FAT4: variants seen among roughly 807,000 people sequenced by gnomAD.
FAT4 encodes FAT atypical cadherin 4.
A neutral mutation model predicts 303.9 loss-of-function variants in FAT4; 84 were observed. The observed-to-expected ratio is 0.28, with a 90% CI of 0.23 to 0.33. The LOEUF is 0.33. FAT4 is among the 10% of genes least tolerant of loss of function. The pLI is 1.00. For missense variants in FAT4, 6,005 were observed against 6,146.8 expected, an observed-to-expected ratio of 0.98 and a Z score of 0.77; for synonymous variants, 2,307 against 2,298.8, an observed-to-expected ratio of 1.00 and a Z score of -0.10.
chr4:125,447,744 A>G (rs1725874698), intron 9 of FAT4, among the ~76,000 whole-genome samples: 1 of 152,112 alleles, frequency 6.6e-6, no homozygotes, highest in South Asian at 2.1e-4. Context: ...TATTTTTACG[A>G]CAATCTGTTT....
intron 10 of FAT4, among the ~76,000 whole-genome samples, chr4:125,455,746 A>G (rs1380379509): frequency 3.9e-5 from 6 of 152,170 alleles, no homozygotes; most frequent in Admixed American, 3.3e-4. Flanking sequence ...TTCTATGGTG[A>G]TATTATTTAA....
intron 2 of FAT4, among the ~76,000 whole-genome samples, chr4:125,338,553 T>A (rs1731657921): frequency 6.6e-6 from 1 of 152,206 alleles, no homozygotes; most frequent in Non-Finnish European, 1.5e-5. Flanking sequence ...TTTAACAGGA[T>A]AGCTTCTATT....
chr4:125,458,871 G>T (rs536925556), intron 10 of FAT4, among the ~76,000 whole-genome samples: 1 of 151,858 alleles, frequency 6.6e-6, no homozygotes. Context: ...AAGCCATAAG[G>T]CTATTGAACA....
chr4:125,466,399 A>G (rs1560625687), intron 11 of FAT4, among the ~76,000 whole-genome samples: 1 of 152,002 alleles, frequency 6.6e-6, no homozygotes. Context: ...ATTGAAGTTT[A>G]TTCAGAAGAG....
At chr4:125,354,266 T>C (rs1732344613) in intron 2 of FAT4, among the ~76,000 whole-genome samples, 1 of 151,738 alleles carries the variant, frequency 6.6e-6, no homozygotes, top group Non-Finnish European at 1.5e-5. Context: ...AAAGTTTTAA[T>C]ATAAGGGATT....
intron 2 of FAT4, among the ~76,000 whole-genome samples, chr4:125,346,107 A>T (rs1731990376): frequency 6.6e-6 from 1 of 152,068 alleles, no homozygotes. Flanking sequence ...AGTCATTTGA[A>T]GTTCAGTGGA....
intron 2 of FAT4, among the ~76,000 whole-genome samples, chr4:125,351,125 G>C (rs995704089): frequency 6.6e-6 from 1 of 151,550 alleles, no homozygotes; most frequent in Admixed American, 6.6e-5. Flanking sequence ...CTTTTTTGTT[G>C]TTTTTTAAAT....
chr4:125,414,724 A>C (rs1734970646), intron 5 of FAT4, among the ~76,000 whole-genome samples, 160 bp from the exon 6 acceptor site: 1 of 152,160 alleles, frequency 6.6e-6, no homozygotes, highest in Admixed American at 6.6e-5. Context: ...ACCCTAGTAA[A>C]TAGCAAGCAG....
In FAT4 at chr4:125,471,251, T is replaced by C. The variant is rs896009245; in HGVS notation, c.12213+2432T>C. On this transcript the variant is annotated intron_variant, in intron 12 of 17. Coordinates refer to ENST00000394329, the MANE Select transcript of FAT4 (RefSeq NM_001291303.3). Reference sequence around the variant, plus strand: ...ATCACCATACCACATAAAATAATAATGAAATATTTGAAATATTGTGAGAAT... The same window carrying C: ...ATCACCATACCACATAAAATAATAACGAAATATTTGAAATATTGTGAGAAT... 2.0e-5 allele frequency among the ~76,000 whole-genome samples: 3 copies of C among 152,178 alleles called. No homozygotes were observed. In the East Asian group the frequency reaches 5.8e-4, roughly 29 times the overall value.
Position 125,337,752 on chromosome 4 carries a change from C to T in FAT4, c.5175+16166C>T, listed in dbSNP as rs948802044. Among the ~76,000 whole-genome samples the T allele has an allele frequency of 2.0e-4, 30 of 151,980 alleles. 1 individual carries two copies. The highest frequency in any genetic ancestry group is 4.1e-4 in the South Asian group (2 of 4,822). ...ACAAGAGTAGGTGAACATAAAAAGA[C>T]TATTGAATTCAAATCTAGGGAACTT... On this transcript the variant is annotated intron_variant, in intron 2 of 17. Transcript: ENST00000394329.
intron 8 of FAT4, among the ~76,000 whole-genome samples, chr4:125,443,611 G>A (rs1444417757): frequency 1.3e-5 from 2 of 152,100 alleles, no homozygotes; most frequent in African/African-American, 4.8e-5. Context: ...ATAGTTTTGG[G>A]ATTTAAATAA....
intron 2 of FAT4, among the ~76,000 whole-genome samples, chr4:125,343,278 C>T (rs1342112876): frequency 6.6e-6 from 1 of 152,056 alleles, no homozygotes; most frequent in Non-Finnish European, 1.5e-5. Flanking sequence ...AGTGTATTAA[C>T]CTAGTTACGT....
At chr4:125,360,276 G>T (rs1732601993) in intron 2 of FAT4, among the ~76,000 whole-genome samples, 1 of 152,006 alleles carries the variant, frequency 6.6e-6, no homozygotes. Context: ...ATCATGTCTG[G>T]GTTCATATTC....
intron 2 of FAT4, among the ~76,000 whole-genome samples, chr4:125,393,131 G>T (rs2126008316): frequency 6.6e-6 from 1 of 152,300 alleles, no homozygotes; most frequent in East Asian, 1.9e-4. Flanking sequence ...GAAAACAAAA[G>T]ATTGTTTTTC....
intron 2 of FAT4, among the ~76,000 whole-genome samples, chr4:125,322,914 T>C (rs1438145526): frequency 6.6e-6 from 1 of 152,072 alleles, no homozygotes; most frequent in African/African-American, 2.4e-5. Flanking sequence ...AAATAACCTC[T>C]TTTACCTAAT....
In FAT4 at chr4:125,490,732, A is replaced by ATTCGGATGCAG. The variant is rs1390430169; in HGVS notation, c.13916_13917insTTCGGATGCAG (p.Gln4639HisfsTer25). 6.2e-7 allele frequency: 1 copy of ATTCGGATGCAG among 1,614,142 alleles called. No individual in the cohort carries two copies. The highest frequency in any genetic ancestry group is 1.7e-5 in the Admixed American group (1 of 60,026). On this transcript the variant is annotated frameshift_variant, in exon 18 of 18. Transcript: ENST00000394329. LOFTEE classifies it high-confidence loss of function. ...GCCCCTTCGGATGCAGACATCATTCAACACTACAAGCAGTTCCGCAGCCAC... is the reference window on the plus strand; with the variant it reads ...GCCCCTTCGGATGCAGACATCATTCATTCGGATGCAGACACTACAAGCAGTTCCGCAGCCAC...
intron 2 of FAT4, among the ~76,000 whole-genome samples, chr4:125,372,197 A>G (rs1051647263): frequency 6.6e-6 from 1 of 151,990 alleles, no homozygotes; most frequent in African/African-American, 2.4e-5. Flanking sequence ...AAAAAAGAAA[A>G]AAGAAAAAAG....
chr4:125,327,674 T>C (rs1731211352), intron 2 of FAT4, among the ~76,000 whole-genome samples: 1 of 152,234 alleles, frequency 6.6e-6, no homozygotes, highest in Admixed American at 6.5e-5. Context: ...TGCTGCTAGA[T>C]TTCTATAGAC....
chr4:125,386,434 T>C (rs1043107575), intron 2 of FAT4, among the ~76,000 whole-genome samples: 5 of 152,096 alleles, frequency 3.3e-5, no homozygotes, highest in African/African-American at 1.2e-4. Context: ...CACACCTGGC[T>C]AATTTTTGTA....
Sources: allele counts gnomAD v4.1 joint callset (sites outside exome capture counted in the v4.1 genomes callset), GRCh38; gene constraint gnomAD v4.1.1; transcripts MANE v1.5; gene names NCBI Gene and HGNC (gene_info 2026-07-23, HGNC 2026-07-21).